The following FBXL13 variants were observed in gnomAD, a reference collection of about 807,000 sequenced individuals.
FBXL13 encodes F-box and leucine-rich repeat protein 13.
FBXL13 carries 67 observed loss-of-function variants against 83.6 expected under a neutral mutation model. The ratio of observed to expected loss-of-function variants is 0.80; its 90% CI spans 0.66 to 0.98. FBXL13 has a LOEUF of 0.98. Among genes scored for constraint, FBXL13 ranks in the 50% least tolerant of loss-of-function variants. The pLI is 0.00. For synonymous variants in FBXL13, 272 were observed against 299.5 expected (o/e 0.91, Z 0.95); for missense variants, 822 against 866.5 (o/e 0.95, Z 0.64).
At chr7:102,838,074 C>G (rs1383932831) in intron 17 of FBXL13, among the ~76,000 whole-genome samples, 1 of 152,162 alleles carries the variant, frequency 6.6e-6, no homozygotes, top group Admixed American at 6.5e-5. Flanking sequence ...AAGCCCAGTC[C>G]TTCTTCTCAC....
intron 10 of FBXL13, among the ~76,000 whole-genome samples, chr7:102,918,726 C>T (rs552621254): frequency 8.5e-5 from 13 of 152,250 alleles, no homozygotes; most frequent in African/African-American, 3.1e-4. Context: ...CACTATGTAG[C>T]TGGGTGTAGC....
chr7:102,960,778 T>G (rs1472045920), intron 8 of FBXL13, among the ~76,000 whole-genome samples: 1 of 151,752 alleles, frequency 6.6e-6, no homozygotes, highest in African/African-American at 2.4e-5. Flanking sequence ...TTGACAAAAT[T>G]CAACAACCTT....
At chr7:102,812,458 A>G (rs897161662), downstream of FBXL13, among the ~76,000 whole-genome samples, 1 of 152,150 alleles carries the variant, frequency 6.6e-6, no homozygotes, top group Non-Finnish European at 1.5e-5. Flanking sequence ...TTTCTATTTA[A>G]TTTGCCCCTG....
At chr7:103,022,225 C>A (rs1168309412) in intron 6 of FBXL13, among the ~76,000 whole-genome samples, 1 of 151,790 alleles carries the variant, frequency 6.6e-6, no homozygotes, top group African/African-American at 2.4e-5. Context: ...CAAATTATCA[C>A]AAGGACAGAA....
At chr7:102,932,070 G>T in intron 8 of FBXL13, 137 bp from the exon 10 acceptor site, 2 of 705,494 alleles carry the variant, frequency 2.8e-6, no homozygotes, top group Non-Finnish European at 4.4e-6. Context: ...CTAAGTATAT[G>T]GTTTCTTTCC....
intron 18 of FBXL13, among the ~76,000 whole-genome samples, chr7:102,831,429 A>ACC (rs1554403411): frequency 1.3e-5 from 2 of 148,662 alleles, no homozygotes; most frequent in African/African-American, 2.5e-5. Flanking sequence ...ACACACACAC[A>ACC]CACCCCACTA....
chr7:102,887,085 C>T (rs1810900999), intron 11 of FBXL13, among the ~76,000 whole-genome samples: 1 of 152,124 alleles, frequency 6.6e-6, no homozygotes, highest in Non-Finnish European at 1.5e-5. Context: ...AATACAGTTA[C>T]AAGTTAATGT....
chr7:102,827,298 G>C (rs561843474), intron 18 of FBXL13: 1 of 305,390 alleles, frequency 3.3e-6, no homozygotes, highest in South Asian at 2.4e-5. Context: ...AGAGATGACT[G>C]CAAAGAGATG....
intron 14 of FBXL13, among the ~76,000 whole-genome samples, chr7:102,881,580 G>T (rs945543290): frequency 6.7e-6 from 1 of 149,986 alleles, no homozygotes; most frequent in Non-Finnish European, 1.5e-5. Flanking sequence ...GTGTGTGGGG[G>T]GGGTGGGTGT....
intron 1 of FBXL13, among the ~76,000 whole-genome samples, chr7:103,060,142 C>T (rs963384881): frequency 6.8e-6 from 1 of 147,058 alleles, no homozygotes; most frequent in Non-Finnish European, 1.5e-5. Context: ...CCAGTGTAAC[C>T]TCAAGCTCTT....
intron 11 of FBXL13, among the ~76,000 whole-genome samples, chr7:102,904,158 G>T (rs4400322): frequency 0.14 from 20,701 of 151,598 alleles, 1,582 homozygotes; most frequent in East Asian, 0.3. Flanking sequence ...TTTTATTACA[G>T]CTTCAATATC....
chr7:102,982,402 T>G (rs556515032), intron 6 of FBXL13, among the ~76,000 whole-genome samples: 19 of 152,062 alleles, frequency 1.2e-4, no homozygotes, highest in Non-Finnish European at 2.2e-4. Flanking sequence ...AGGAAGAGTA[T>G]CATATATTGG....
chr7:102,949,841 C>A (rs539736748), intron 8 of FBXL13, among the ~76,000 whole-genome samples: 71 of 152,282 alleles, frequency 4.7e-4, no homozygotes, highest in African/African-American at 1.7e-3. Context: ...CATGGTGGCT[C>A]ACACCTGTAA....
intron 6 of FBXL13, among the ~76,000 whole-genome samples, chr7:103,009,317 A>G (rs1791334594): frequency 6.6e-6 from 1 of 152,056 alleles, no homozygotes; most frequent in Admixed American, 6.6e-5. Context: ...CCATCTGAGA[A>G]ACCACATTCA....
At chr7:102,902,937 T>C (rs1053260920) in intron 11 of FBXL13, among the ~76,000 whole-genome samples, 2 of 112,266 alleles carry the variant, frequency 1.8e-5, no homozygotes, top group Non-Finnish European at 3.7e-5. Flanking sequence ...AATTTTAGGA[T>C]TTTTTTTTTC....
intron 2 of FBXL13, among the ~76,000 whole-genome samples, chr7:103,032,027 T>C (rs1446083229): frequency 1.3e-5 from 2 of 152,216 alleles, no homozygotes; most frequent in African/African-American, 4.8e-5. Flanking sequence ...AAGTCCCAAA[T>C]TTTAAGCTGA....
intron 16 of FBXL13, among the ~76,000 whole-genome samples, chr7:102,859,100 T>C (rs890732605): frequency 6.6e-6 from 1 of 152,216 alleles, no homozygotes; most frequent in Non-Finnish European, 1.5e-5. Flanking sequence ...AAGTCCAAGA[T>C]GAATACAGAT....
chr7:102,960,639 A>G (rs1377155619), intron 8 of FBXL13, among the ~76,000 whole-genome samples: 4 of 152,208 alleles, frequency 2.6e-5, no homozygotes, highest in African/African-American at 9.7e-5. Context: ...ATCCACCACA[A>G]TCAAGTGGGC....
At chr7:103,028,455 T>C in intron 4 of FBXL13, 145 bp downstream of exon 5, 1 of 499,566 alleles carries the variant, frequency 2.0e-6, no homozygotes, top group South Asian at 5.9e-5. Flanking sequence ...ATTTTTAAAT[T>C]AGCAGCTCTA....
Sources: gnomAD v4.1 joint callset for allele counts (sites outside exome capture counted in the v4.1 genomes callset) on GRCh38, gnomAD v4.1.1 for gene constraint, MANE v1.5 for transcripts, NCBI Gene and HGNC (gene_info 2026-07-23, HGNC 2026-07-21) for gene names.